CFAP69: variants seen among roughly 807,000 people sequenced by gnomAD.
CFAP69 encodes cilia- and flagella-associated protein 69.
CFAP69 carries 92 observed loss-of-function variants against 123.0 expected under a neutral mutation model. The observed-to-expected ratio is 0.75, with a 90% CI of 0.63 to 0.89. CFAP69 has a LOEUF of 0.89. CFAP69 is among the 40% of genes least tolerant of loss of function. The pLI is 0.00. For missense variants in CFAP69, 1,067 were observed against 1,096.9 expected (o/e 0.97, Z 0.39); for synonymous variants, 380 against 364.3 (o/e 1.04, Z -0.49).
the CFAP69 span, chr7:90,317,249 T>C: frequency 1.3e-5 from 2 of 152,302 alleles, no homozygotes; most frequent in Admixed American, 1.3e-4. Flanking sequence ...CACTTTTCGA[T>C]TAGAGCTAAA....
At position 90,309,381 on chromosome 7, in the gene CFAP69, TC is replaced by T; in HGVS notation, c.2655+16del. ...CTTAACACAACGGTAAGATTCTTTC[TC>T]CATAACATTTTCTTAATAGACATTA... On this transcript the variant is annotated intron_variant, in intron 22 of 22. Coordinates refer to ENST00000389297, the MANE Select transcript of CFAP69 (RefSeq NM_001039706.3). 7.3e-7 allele frequency: 1 copy of T among 1,372,146 alleles called. No individual in the cohort carries two copies. The highest frequency in any genetic ancestry group is 1.0e-6 in the Non-Finnish European group (1 of 993,940). The allele number at this position is 1,372,146 out of a possible 1,614,324, so 85.0% of individuals were successfully genotyped here. A position where few individuals can be genotyped will look rare whatever the true frequency, so the allele number is the denominator to read the frequency against.
intron 18 of CFAP69, 79 bp from the exon 19 acceptor site, chr7:90,304,665 A>AGAT (rs1462853373): frequency 6.9e-7 from 1 of 1,453,356 alleles, no homozygotes; most frequent in Non-Finnish European, 9.2e-7. Context: ...ATAGATAGAT[A>AGAT]GATAGATAGA....
intron 8 of CFAP69, among the ~76,000 whole-genome samples, chr7:90,273,770 C>G (rs1005793830): frequency 6.6e-6 from 1 of 152,010 alleles, no homozygotes; most frequent in Admixed American, 6.6e-5. Context: ...TACTGCTGAT[C>G]TCTTGTATTC....
Position 90,245,960 on chromosome 7 carries a change from G to C in CFAP69, c.120+416G>C, listed in dbSNP as rs138643883. 8.2e-3 allele frequency among the ~76,000 whole-genome samples: 1,246 copies of C among 152,276 alleles called. 16 individuals are homozygous for C. Among genetic ancestry groups the C allele is most frequent in the African/African-American group, 0.027 (1,109 of 41,538 alleles). ...ATCCCTGTTACCGAGTGATGTTCTTGATATAGATGTAAATTTTCCCATGCT... is the reference window on the plus strand; with the variant it reads ...ATCCCTGTTACCGAGTGATGTTCTTCATATAGATGTAAATTTTCCCATGCT... On this transcript the variant is annotated intron_variant, in intron 1 of 22. Transcript: ENST00000389297.
In CFAP69 at chr7:90,261,938, A is replaced by C. The variant is rs557511075; in HGVS notation, c.247-9A>C. On this transcript the variant is annotated splice_polypyrimidine_tract_variant and intron_variant, in intron 3 of 22. Coordinates refer to ENST00000389297, the MANE Select transcript of CFAP69 (RefSeq NM_001039706.3). The stretch of plus-strand genomic sequence containing the variant: ...TCTGAATTTTATTTCTTAACTAAAA[A>C]TATTAAAGCCATTAAGGGATTTAGC... The C allele has an allele frequency of 7.2e-7, 1 of 1,387,650 alleles. No homozygotes were observed. Among genetic ancestry groups the C allele is most frequent in the East Asian group, 2.4e-5 (1 of 42,414 alleles). The allele number at this position is 1,387,650 out of a possible 1,614,324, so 86.0% of individuals were successfully genotyped here. A position where few individuals can be genotyped will look rare whatever the true frequency, so the allele number is the denominator to read the frequency against.
At position 90,261,041 on chromosome 7, in the gene CFAP69, T is replaced by C. The variant is rs140073462; in HGVS notation, c.247-906T>C. Among the ~76,000 whole-genome samples the C allele has an allele frequency of 3.9e-5, 6 of 152,156 alleles. No individual in the cohort carries two copies. In the East Asian group the frequency reaches 9.7e-4, roughly 25 times the overall value. ...GTCACATCTACCATAATTTCTTAGC[T>C]GTAAAACAAAATCAATGAAATGTGT... is the stretch of plus-strand genomic sequence containing the variant. On this transcript the variant is annotated intron_variant, in intron 3 of 22. Transcript: ENST00000389297.
At chr7:90,299,547 GC>G (rs1471404244) in intron 16 of CFAP69, among the ~76,000 whole-genome samples, 3 of 152,024 alleles carry the variant, frequency 2.0e-5, no homozygotes, top group Non-Finnish European at 4.4e-5. Flanking sequence ...ACACTATCGA[GC>G]TTCGCCACTT....
chr7:90,318,691 T>A, the CFAP69 span: 4 of 152,038 alleles, frequency 2.6e-5, no homozygotes, highest in Non-Finnish European at 2.9e-5. Context: ...ACCTTCTAAG[T>A]AAAAAATTGA....
intron 19 of CFAP69, 130 bp downstream of exon 19, chr7:90,304,950 C>T: frequency 1.4e-6 from 1 of 693,114 alleles, no homozygotes; most frequent in Non-Finnish European, 2.2e-6. Flanking sequence ...CATTTTGCAT[C>T]TGATGCTGTT....
chr7:90,257,161 T>C (rs1797753847), intron 2 of CFAP69, among the ~76,000 whole-genome samples: 1 of 152,204 alleles, frequency 6.6e-6, no homozygotes, highest in Non-Finnish European at 1.5e-5. Flanking sequence ...GTGATATGTA[T>C]ATATGGTACC....
intron 9 of CFAP69, 121 bp from the exon 10 acceptor site, chr7:90,276,952 A>T: frequency 1.5e-6 from 1 of 678,280 alleles, no homozygotes; most frequent in Non-Finnish European, 2.3e-6. Flanking sequence ...TGCTTTATGA[A>T]TTCAAATGAA....
chr7:90,322,364 T>C, the CFAP69 span: 1 of 152,234 alleles, frequency 6.6e-6, no homozygotes, highest in Non-Finnish European at 1.5e-5. Flanking sequence ...CCACCATTAA[T>C]CATGGACTCT....
chr7:90,250,755 C>A (rs957431772), intron 1 of CFAP69, among the ~76,000 whole-genome samples: 1 of 152,050 alleles, frequency 6.6e-6, no homozygotes, highest in Non-Finnish European at 1.5e-5. Flanking sequence ...TCAATTGTCA[C>A]GTTAAGCCTA....
intron 3 of CFAP69, among the ~76,000 whole-genome samples, chr7:90,259,738 G>A (rs1798078475): frequency 6.6e-6 from 1 of 151,868 alleles, no homozygotes; most frequent in Admixed American, 6.6e-5. Context: ...CTCTCGCCTC[G>A]GCCTCCCAAA....
Position 90,259,542 on chromosome 7 carries a change from G to A in CFAP69, c.246+1379G>A, listed in dbSNP as rs113337652. ...TCCAGCCTTAGTTGCCCAGACTGGA[G>A]TATAGCGGGGCAGTCATAGCTCACT... On this transcript the variant is annotated intron_variant, in intron 3 of 22. Coordinates refer to ENST00000389297, the MANE Select transcript of CFAP69 (RefSeq NM_001039706.3). Among the ~76,000 whole-genome samples, 158 of 152,224 alleles carry A rather than the reference G, an allele frequency of 1.0e-3. 1 individual carries two copies. The highest frequency in any genetic ancestry group is 3.7e-3 in the African/African-American group (153 of 41,542).
At chr7:90,280,852 C>T (rs1395252664) in intron 12 of CFAP69, among the ~76,000 whole-genome samples, 1 of 152,152 alleles carries the variant, frequency 6.6e-6, no homozygotes, top group Non-Finnish European at 1.5e-5. Context: ...AAGAATATCA[C>T]CCATTTATGC....
At position 90,268,403 on chromosome 7, in the gene CFAP69, T is replaced by G; in HGVS notation, c.532+19T>G. On this transcript the variant is annotated intron_variant, in intron 6 of 22. Coordinates refer to ENST00000389297, the MANE Select transcript of CFAP69 (RefSeq NM_001039706.3). ...ATTCCAGGTGAAGTTTACAATGGTC[T>G]TTCAGTGATAACTTGTGTATGTAGA... 1 of 1,518,870 alleles carries G rather than the reference T, an allele frequency of 6.6e-7. No individual in the cohort carries two copies. 94.1% of individuals were successfully genotyped at this position (1,518,870 alleles called of 1,614,324 possible).
At chr7:90,299,340 C>T (rs1365845095) in intron 16 of CFAP69, among the ~76,000 whole-genome samples, 1 of 151,962 alleles carries the variant, frequency 6.6e-6, no homozygotes, top group Non-Finnish European at 1.5e-5. Context: ...TTTTTGAATC[C>T]TTAAATACTC....
At position 90,299,947 on chromosome 7, in the gene CFAP69, C is replaced by T; in HGVS notation, c.1938C>T (p.Val646=). 6.2e-7 allele frequency: 1 copy of T among 1,611,548 alleles called. No homozygotes were observed. The highest frequency in any genetic ancestry group is 8.5e-7 in the Non-Finnish European group (1 of 1,178,654). Residue 646 remains valine (V), a synonymous_variant, in exon 17 of 23, where the codon GTC becomes GTT. Coordinates refer to ENST00000389297, the MANE Select transcript of CFAP69 (RefSeq NM_001039706.3). The stretch of plus-strand genomic sequence containing the variant: ...ATAATCCCAAAACTGCAGCTCATGT[C>T]AATGCTTGGCAAGGGAAGAAGGATC... ...FCDNPKTAAH[V]NAWQGKKDQT... is the part of the protein sequence containing the mutation.
Sources: gnomAD v4.1 joint callset for allele counts (sites outside exome capture counted in the v4.1 genomes callset) on GRCh38, gnomAD v4.1.1 for gene constraint, MANE v1.5 for transcripts, NCBI Gene and HGNC (gene_info 2026-07-23, HGNC 2026-07-21) for gene names.